The following WWP2 variants were observed in gnomAD, a reference collection of about 807,000 sequenced individuals.
WWP2 encodes the protein WW domain containing E3 ubiquitin protein ligase 2.
In WWP2, 57 loss-of-function variants were observed where a neutral mutation model predicts 121.0. The observed-to-expected ratio is 0.47, with a 90% CI of 0.38 to 0.59. The LOEUF (loss-of-function observed/expected upper bound fraction) is 0.59. Among genes scored for constraint, WWP2 ranks in the 20% least tolerant of loss-of-function variants. The pLI, the probability that WWP2 is intolerant of heterozygous loss-of-function variation, is 0.00. For synonymous variants in WWP2, 449 were observed against 441.3 expected, an observed-to-expected ratio of 1.02 and a Z score of -0.22; for missense variants, 962 against 1,158.9, an observed-to-expected ratio of 0.83 and a Z score of 2.47.
intron 21 of WWP2, among the ~76,000 whole-genome samples, chr16:69,938,715 T>C (rs1040416428): frequency 6.6e-6 from 1 of 152,194 alleles, no homozygotes; most frequent in African/African-American, 2.4e-5. Context: ...AAAAACCTTA[T>C]ACCCATTAAG....
intron 8 of WWP2, among the ~76,000 whole-genome samples, chr16:69,907,420 C>T (rs578185366): frequency 3.4e-4 from 52 of 152,246 alleles, no homozygotes; most frequent in South Asian, 6.2e-4. Flanking sequence ...CAAGCATTAC[C>T]GCAGAACTGA....
intron 4 of WWP2, among the ~76,000 whole-genome samples, chr16:69,824,774 T>G (rs1259460335): frequency 7.0e-6 from 1 of 143,316 alleles, no homozygotes; most frequent in Non-Finnish European, 1.5e-5. Context: ...TGGCTTTTTT[T>G]TTTTTTTTTT....
chr16:69,878,170 A>G (rs948336093), intron 7 of WWP2, among the ~76,000 whole-genome samples: 9 of 152,358 alleles, frequency 5.9e-5, no homozygotes, highest in African/African-American at 1.2e-4. Flanking sequence ...ATATTAATAT[A>G]TCAAAGATCA....
At position 69,871,850 on chromosome 16, in the gene WWP2, G is replaced by T; in HGVS notation, c.622G>T (p.Gly208Cys). The T allele has an allele frequency of 6.2e-7, 1 of 1,614,092 alleles. No homozygotes were observed. The highest frequency in any genetic ancestry group is 8.5e-7 in the Non-Finnish European group (1 of 1,180,026). ...TTCAGCCAGAACAACCCCAGCAACC[G>T]GCGAGCAAAGCCCCGGTGCTCGGAG... ...GASARTTPAT[G>C]EQSPGARSRH... is the part of the protein sequence containing the mutation. Residue 208 changes from glycine to cysteine, a missense_variant, in exon 7 of 24, where the codon GGC (glycine) becomes TGC (cysteine). Coordinates refer to ENST00000359154, the MANE Select transcript of WWP2 (RefSeq NM_001270454.2).
chr16:69,934,205 G>A, intron 17 of WWP2, 76 bp downstream of exon 17: 2 of 1,546,728 alleles, frequency 1.3e-6, no homozygotes, highest in Non-Finnish European at 1.8e-6. Context: ...AGTGTGCCAG[G>A]GGCACCAGGG....
chr16:69,912,298 A>G (rs1421571705), intron 9 of WWP2, among the ~76,000 whole-genome samples: 1 of 151,690 alleles, frequency 6.6e-6, no homozygotes, highest in Admixed American at 6.6e-5. Flanking sequence ...TCTCAAAAAA[A>G]AACAAAACAA....
chr16:69,915,959 AG>A (rs2058473936), intron 9 of WWP2, among the ~76,000 whole-genome samples: 2 of 151,430 alleles, frequency 1.3e-5, no homozygotes, highest in Non-Finnish European at 2.9e-5. Context: ...GGATCACTTG[AG>A]CCTGGGAGGT....
chr16:69,917,755 CACAAT>C lies in WWP2; in HGVS notation c.1054_1058del (p.Asn352SerfsTer17). The C allele has an allele frequency of 1.2e-6, 2 of 1,613,050 alleles. No individual in the cohort carries two copies. The highest frequency in any genetic ancestry group is 1.7e-6 in the Non-Finnish European group (2 of 1,179,020). On this transcript the variant is annotated frameshift_variant, in exon 10 of 24. Transcript: ENST00000359154. LOFTEE classifies it high-confidence loss of function. ...CCGAGGCAGGTTTTACTATGTGGATCACAATACTCGGACCACCACCTGGCAGCGTC... is the reference window on the plus strand; with the variant it reads ...CCGAGGCAGGTTTTACTATGTGGATCACTCGGACCACCACCTGGCAGCGTC...
intron 1 of WWP2, among the ~76,000 whole-genome samples, chr16:69,765,374 A>G (rs1036256836): frequency 3.9e-5 from 6 of 152,124 alleles, no homozygotes; most frequent in African/African-American, 1.2e-4. Flanking sequence ...TATTGGACAA[A>G]CCTGTTCTGA....
At position 69,864,713 on chromosome 16, in the gene WWP2, C is replaced by T. The variant is rs181709232; in HGVS notation, c.576-7091C>T. Among the ~76,000 whole-genome samples the T allele has an allele frequency of 2.2e-3, 329 of 147,006 alleles. 3 individuals carry two copies. The highest frequency in any genetic ancestry group is 7.5e-3 in the African/African-American group (298 of 39,604). On this transcript the variant is annotated intron_variant, in intron 6 of 23. Transcript: ENST00000359154. ...TACAGGCGCCAGCCACTATGCCTGA[C>T]GAATTTTTGCATTTTTTTTTTTTTT...
intron 8 of WWP2, among the ~76,000 whole-genome samples, chr16:69,899,076 A>G (rs1228026098): frequency 6.6e-6 from 1 of 152,258 alleles, no homozygotes; most frequent in Non-Finnish European, 1.5e-5. Flanking sequence ...ATTTGCTCCC[A>G]GTCTGTGGCT....
At chr16:69,929,970 G>C (rs1259606012) in intron 12 of WWP2, among the ~76,000 whole-genome samples, 160 bp from the exon 13 acceptor site, 1 of 152,230 alleles carries the variant, frequency 6.6e-6, no homozygotes, top group East Asian at 1.9e-4. Context: ...CCGTGCTGCA[G>C]AACTGTTCTC....
intron 4 of WWP2, among the ~76,000 whole-genome samples, chr16:69,812,548 G>A (rs549256143): frequency 6.8e-4 from 99 of 146,638 alleles, no homozygotes; most frequent in Middle Eastern, 3.4e-3. Flanking sequence ...GTGTGAACAC[G>A]GCTCACTGCA....
At chr16:69,936,239 G>A (rs560096453) in intron 18 of WWP2, 73 bp from the exon 19 acceptor site, 23 of 1,597,100 alleles carry the variant, frequency 1.4e-5, no homozygotes, top group Admixed American at 6.8e-5. Flanking sequence ...GGTGTCCCAC[G>A]GGCAACAGAG....
chr16:69,886,465 A>G (rs1379775003), intron 7 of WWP2, among the ~76,000 whole-genome samples: 1 of 151,752 alleles, frequency 6.6e-6, no homozygotes, highest in Non-Finnish European at 1.5e-5. Context: ...AAAAAAAACC[A>G]AACAACTTTC....
In WWP2 at chr16:69,930,166, G is replaced by A; in HGVS notation, c.1353G>A (p.Glu451=). The part of the protein sequence containing the change: ...IQEPALPPGW[E]MKYTSEGVRY... ...AACCAGCTCTGCCCCCAGGATGGGA[G>A]ATGAAATACACCAGCGAGGGGGTGC... The change falls in exon 13 of 24, where the codon GAG becomes GAA. Residue 451 remains glutamate (E), a synonymous_variant. Coordinates refer to ENST00000359154, the MANE Select transcript of WWP2 (RefSeq NM_001270454.2). 3 of 1,614,134 alleles carry A rather than the reference G, an allele frequency of 1.9e-6. No homozygotes were observed. The highest frequency in any genetic ancestry group is 2.5e-6 in the Non-Finnish European group (3 of 1,180,010).
intron 4 of WWP2, among the ~76,000 whole-genome samples, chr16:69,822,570 C>T (rs937811069): frequency 5.3e-5 from 8 of 151,748 alleles, no homozygotes; most frequent in Admixed American, 3.3e-4. Context: ...TGTGTTCATG[C>T]ATGTGTGTTT....
chr16:69,936,263 A>G (rs2058796218), intron 18 of WWP2, 49 bp from the exon 19 acceptor site: 1 of 1,611,422 alleles, frequency 6.2e-7, no homozygotes, highest in East Asian at 2.2e-5. Context: ...GATCCAGGAA[A>G]GACCCTGACA....
At position 69,939,056 on chromosome 16, in the gene WWP2, G is replaced by A; in HGVS notation, c.2373G>A (p.Arg791=). ...QVVKEMDNEK[R]IRLLQFVTGT... is the part of the protein sequence containing the mutation. Reference sequence around the variant, plus strand: ...TGAAGGAGATGGACAACGAGAAGAGGATCCGGCTGCTGCAGTTTGTCACCG... The same window carrying A: ...TGAAGGAGATGGACAACGAGAAGAGAATCCGGCTGCTGCAGTTTGTCACCG... The change falls in exon 22 of 24, where the codon AGG becomes AGA. Residue 791 remains arginine, a synonymous_variant. Transcript: ENST00000359154. 1.2e-6 allele frequency: 2 copies of A among 1,606,626 alleles called. No homozygotes were observed.
Sources: gnomAD v4.1 joint callset for allele counts (sites outside exome capture counted in the v4.1 genomes callset) on GRCh38, gnomAD v4.1.1 for gene constraint, MANE v1.5 for transcripts, NCBI Gene and HGNC (gene_info 2026-07-23, HGNC 2026-07-21) for gene names.